The following MYO18B variants were observed in gnomAD, a reference collection of about 807,000 sequenced individuals.
The protein encoded by MYO18B is unconventional myosin-XVIIIb.
MYO18B carries 204 observed loss-of-function variants against 273.0 expected under a neutral mutation model. That is an observed-to-expected ratio of 0.75 (90% CI 0.67 to 0.84). MYO18B has a LOEUF of 0.84. Ranked by LOEUF, MYO18B falls within the 40% of genes least tolerant of loss-of-function variation. The pLI is 0.00. For synonymous variants in MYO18B, 1,330 were observed against 1,305.7 expected, an observed-to-expected ratio of 1.02 and a Z score of -0.40; for missense variants, 3,212 against 3,287.6, an observed-to-expected ratio of 0.98 and a Z score of 0.56.
rs993922964 is a variant in MYO18B, at chr22:25,997,958, A to AAC, written c.6288-5288_6288-5287dup. Among the ~76,000 whole-genome samples, 571 of 105,782 alleles carry AAC rather than the reference A, an allele frequency of 5.4e-3. 4 individuals carry two copies. The highest frequency in any genetic ancestry group is 0.034 in the Admixed American group (385 of 11,442). The allele number at this position is 105,782 out of a possible 152,430, so 69.4% of individuals were successfully genotyped here. On this transcript the variant is annotated intron_variant, in intron 40 of 43. Coordinates refer to ENST00000335473, the MANE Select transcript of MYO18B (RefSeq NM_032608.7). ...ACACACACACACACACACACACACA[A>AAC]ACACACACACACACACACACGAGAG... is the stretch of plus-strand genomic sequence containing the variant.
the MYO18B span, among the ~76,000 whole-genome samples, chr22:26,058,414 G>A: frequency 6.6e-6 from 1 of 152,142 alleles, no homozygotes; most frequent in Admixed American, 6.6e-5. Context: ...TGAAGCTGAG[G>A]GTGGAGGTGG....
intron 40 of MYO18B, among the ~76,000 whole-genome samples, chr22:25,997,315 A>AAAAAAAAAC (rs1933376666): frequency 6.7e-6 from 1 of 149,186 alleles, no homozygotes; most frequent in Admixed American, 6.6e-5. Context: ...CAAAAAAAAA[A>AAAAAAAAAC]AAAAAAAAAA....
chr22:26,017,223 A>C (rs1273181117), intron 42 of MYO18B, among the ~76,000 whole-genome samples: 1 of 150,888 alleles, frequency 6.6e-6, no homozygotes, highest in East Asian at 2.0e-4. Flanking sequence ...ATTTGTTAAC[A>C]AAAGAGGACA....
intron 31 of MYO18B, among the ~76,000 whole-genome samples, chr22:25,904,598 G>C (rs1346696820): frequency 2.0e-5 from 3 of 152,114 alleles, no homozygotes; most frequent in African/African-American, 7.2e-5. Flanking sequence ...ATAACAAAGG[G>C]AATAAGACAA....
At position 25,846,162 on chromosome 22, in the gene MYO18B, C is replaced by T. The variant is rs185802314; in HGVS notation, c.3431C>T (p.Ala1144Val). 3.2e-4 allele frequency: 510 copies of T among 1,609,852 alleles called. 1 individual carries two copies. The African/African-American group carries it at 6.2e-3, about 19-fold the overall frequency. Residue 1144 changes from alanine (A) to valine (V), a missense_variant, in exon 19 of 44, where the codon GCA becomes GTA. Coordinates refer to ENST00000335473, the MANE Select transcript of MYO18B (RefSeq NM_032608.7). ...CTGCCTCCTGTGTGCCGGGCTGTGGCAGGCCTGGAGGGCACCTCCCAGCAG... is the reference window on the plus strand; with the variant it reads ...CTGCCTCCTGTGTGCCGGGCTGTGGTAGGCCTGGAGGGCACCTCCCAGCAG... ...AKLPPVCRAV[A>V]GLEGTSQQAL...
intron 21 of MYO18B, among the ~76,000 whole-genome samples, chr22:25,855,983 C>T (rs1251908437): frequency 6.6e-6 from 1 of 152,050 alleles, no homozygotes; most frequent in Non-Finnish European, 1.5e-5. Flanking sequence ...CAGTCCTCAC[C>T]CTCCTCCCAC....
In MYO18B at chr22:25,984,932, GTC is replaced by G. The variant is rs533507318; in HGVS notation, c.6157-7427_6157-7426del. On this transcript the variant is annotated intron_variant, in intron 39 of 43. Coordinates refer to ENST00000335473, the MANE Select transcript of MYO18B (RefSeq NM_032608.7). ...TGGATTCTAGCCCCTGATTGCTTGG[GTC>G]TCTGCTATGATTGATTAGACATGCC... Among the ~76,000 whole-genome samples the G allele has an allele frequency of 4.2e-4, 64 of 152,284 alleles. 2 individuals are homozygous for G. The South Asian group carries it at 0.013, about 32-fold the overall frequency.
chr22:25,997,978 C>CGAGAGAGAGAGAGAGAGAGAGA (rs5844669), intron 40 of MYO18B, among the ~76,000 whole-genome samples: 8 of 144,550 alleles, frequency 5.5e-5, no homozygotes, highest in Non-Finnish European at 1.1e-4. Flanking sequence ...CACACACACA[C>CGAGAGAGAGAGAGAGAGAGAGA]GAGAGAGAGA....
At chr22:25,901,806 G>GTTTTTTT (rs34278088) in intron 29 of MYO18B, among the ~76,000 whole-genome samples, 1 of 92,198 alleles carries the variant, frequency 1.1e-5, no homozygotes, top group Non-Finnish European at 2.0e-5. Flanking sequence ...TTTTGGGTTG[G>GTTTTTTT]TTTTTTTTTT....
intron 40 of MYO18B, among the ~76,000 whole-genome samples, chr22:26,000,010 G>C (rs1933798693): frequency 6.6e-6 from 1 of 152,194 alleles, no homozygotes; most frequent in Admixed American, 6.5e-5. Context: ...CTGACCGCAT[G>C]TCAGGAGATG....
rs59375568 is a variant in MYO18B at position 25,847,948 on chromosome 22, TACACACAC to T, written c.3775+316_3775+323del. On this transcript the variant is annotated intron_variant, in intron 20 of 43. Coordinates refer to ENST00000335473, the MANE Select transcript of MYO18B (RefSeq NM_032608.7). ...TATTTCTTCTGAAAACACACACACA[TACACACAC>T]ACACACACACACACACACAAAATGG... Among the ~76,000 whole-genome samples, 118 of 146,154 alleles carry T rather than the reference TACACACAC, an allele frequency of 8.1e-4. 1 individual carries two copies. The East Asian group carries it at 0.013, about 16-fold the overall frequency.
At chr22:25,860,541 T>G (rs982711733) in intron 21 of MYO18B, among the ~76,000 whole-genome samples, 4 of 152,246 alleles carry the variant, frequency 2.6e-5, no homozygotes, top group African/African-American at 4.8e-5. Context: ...AATTTTCATT[T>G]AGTTCAAGAT....
chr22:25,989,193 T>C (rs1037307685), intron 39 of MYO18B, among the ~76,000 whole-genome samples: 4 of 152,138 alleles, frequency 2.6e-5, no homozygotes, highest in Non-Finnish European at 4.4e-5. Context: ...TCTCAGCACA[T>C]GTGACTTAAA....
At chr22:25,841,336 C>A (rs1035191803) in intron 17 of MYO18B, among the ~76,000 whole-genome samples, 1 of 152,216 alleles carries the variant, frequency 6.6e-6, no homozygotes, top group Admixed American at 6.5e-5. Flanking sequence ...AAGCCAAAGA[C>A]TTCATGGGAA....
chr22:25,837,778 C>T (rs889349464), intron 17 of MYO18B, among the ~76,000 whole-genome samples: 2 of 152,186 alleles, frequency 1.3e-5, no homozygotes, highest in East Asian at 1.9e-4. Context: ...CCAGAGAGCT[C>T]GGCTCTGCCA....
intron 40 of MYO18B, among the ~76,000 whole-genome samples, chr22:26,001,767 C>G (rs1052645553): frequency 2.0e-5 from 3 of 152,178 alleles, no homozygotes; most frequent in Non-Finnish European, 4.4e-5. Context: ...GGGAATGGGT[C>G]TCTAGTGCTG....
At chr22:25,881,530 G>A (rs2091334011) in intron 25 of MYO18B, among the ~76,000 whole-genome samples, 1 of 152,220 alleles carries the variant, frequency 6.6e-6, no homozygotes, top group Non-Finnish European at 1.5e-5. Context: ...CTTCCCTGTA[G>A]AAATTCCTTC....
At chr22:25,818,521 C>T (rs1279299854) in intron 12 of MYO18B, among the ~76,000 whole-genome samples, 1 of 152,204 alleles carries the variant, frequency 6.6e-6, no homozygotes, top group African/African-American at 2.4e-5. Context: ...GCCTTTAGCT[C>T]AGTGCCTGGC....
intron 42 of MYO18B, among the ~76,000 whole-genome samples, chr22:26,012,930 G>A (rs1935029241): frequency 6.6e-6 from 1 of 152,050 alleles, no homozygotes. Context: ...ATCAAGACTG[G>A]ACCATTACAG....
Sources: allele counts gnomAD v4.1 joint callset (sites outside exome capture counted in the v4.1 genomes callset), GRCh38; gene constraint gnomAD v4.1.1; transcripts MANE v1.5; gene names NCBI Gene and HGNC (gene_info 2026-07-23, HGNC 2026-07-21).